MERTK: variants seen among roughly 807,000 people sequenced by gnomAD.
The protein encoded by MERTK is MER proto-oncogene, tyrosine kinase.
A neutral mutation model predicts 99.3 loss-of-function variants in MERTK; 69 were observed. The observed-to-expected ratio is 0.70, with a 90% CI of 0.57 to 0.85. The LOEUF is 0.85. Among genes scored for constraint, MERTK ranks in the 40% least tolerant of loss-of-function variants. The pLI is 0.00. For synonymous variants in MERTK, 426 were observed against 467.6 expected (o/e 0.91, Z 1.15); for missense variants, 1,125 against 1,249.4 (o/e 0.90, Z 1.50).
intron 15 of MERTK, among the ~76,000 whole-genome samples, chr2:112,018,259 A>G (rs1677258918): frequency 6.6e-6 from 1 of 152,226 alleles, no homozygotes; most frequent in Non-Finnish European, 1.5e-5. Context: ...TCCAGGAATA[A>G]CAGAAGTGTT....
intron 6 of MERTK, among the ~76,000 whole-genome samples, chr2:111,970,676 TCTC>T (rs1266607334): frequency 2.7e-5 from 4 of 147,704 alleles, no homozygotes; most frequent in South Asian, 2.2e-4. Context: ...TCCTCCTCCT[TCTC>T]CTCCTCCTCC....
rs192366418 is a variant in MERTK at position 112,014,170 on chromosome 2, C to G, written c.2079+4104C>G. On this transcript the variant is annotated intron_variant, in intron 15 of 18. Coordinates refer to ENST00000295408, the MANE Select transcript of MERTK (RefSeq NM_006343.3). ...CCGAGTACCTGGGATTAAAGGTGCC[C>G]GCCACCACACCCAGCTAATTTTTTG... is the stretch of plus-strand genomic sequence containing the variant. 7.6e-3 allele frequency among the ~76,000 whole-genome samples: 1,160 copies of G among 152,054 alleles called. 10 individuals carry two copies. The highest frequency in any genetic ancestry group is 0.027 in the African/African-American group (1,104 of 41,446).
At position 111,958,834 on chromosome 2, in the gene MERTK, T is replaced by C. The variant is rs1482183949; in HGVS notation, c.758-6357T>C. Among the ~76,000 whole-genome samples, 3 of 152,156 alleles carry C rather than the reference T, an allele frequency of 2.0e-5. 1 individual carries two copies. Among genetic ancestry groups the C allele is most frequent in the Admixed American group, 1.3e-4 (2 of 15,286 alleles). On this transcript the variant is annotated intron_variant, in intron 4 of 18. Transcript: ENST00000295408. ...AGGATCCTACTATAGGTTCTATAAC[T>C]GGATAATGGATCTCAGTGAAATAAA...
At chr2:111,963,535 G>T (rs1009993369) in intron 4 of MERTK, among the ~76,000 whole-genome samples, 11 of 152,146 alleles carry the variant, frequency 7.2e-5, no homozygotes, top group African/African-American at 2.7e-4. Context: ...GTGTCCCTGG[G>T]TACTTGAGAT....
chr2:111,934,315 T>C (rs1313703611), intron 2 of MERTK, among the ~76,000 whole-genome samples: 2 of 152,178 alleles, frequency 1.3e-5, no homozygotes, highest in Non-Finnish European at 1.5e-5. Flanking sequence ...TCCACAAAGG[T>C]TAAACTAATG....
chr2:111,957,577 C>T (rs968500624), intron 4 of MERTK, among the ~76,000 whole-genome samples: 1 of 152,144 alleles, frequency 6.6e-6, no homozygotes, highest in Non-Finnish European at 1.5e-5. Context: ...ATACATCTTA[C>T]TTATCAAGGT....
At chr2:112,025,513 TC>T (rs1162158710) in intron 18 of MERTK, among the ~76,000 whole-genome samples, 1 of 151,984 alleles carries the variant, frequency 6.6e-6, no homozygotes, top group Non-Finnish European at 1.5e-5. Context: ...TCAGAAACCC[TC>T]CTCTACCCAT....
In MERTK at chr2:112,028,439, G is replaced by C; in HGVS notation, c.2575G>C (p.Glu859Gln). Reference protein sequence around the residue: ...VLRLQLEKLLESLPDVRNQAD... With the variant: ...VLRLQLEKLLQSLPDVRNQAD... ...GAGGCTGCAGCTAGAAAAACTCTTA[G>C]AAAGTTTGCCTGACGTTCGGAACCA... is the stretch of plus-strand genomic sequence containing the variant. Residue 859 changes from glutamate (E) to glutamine (Q), a missense_variant, in exon 19 of 19, where the codon GAA becomes CAA. Glu to Gln is a conservative substitution (Grantham distance 29). Coordinates refer to ENST00000295408, the MANE Select transcript of MERTK (RefSeq NM_006343.3). 1.9e-6 allele frequency: 3 copies of C among 1,614,148 alleles called. No individual in the cohort carries two copies. The highest frequency in any genetic ancestry group is 2.5e-6 in the Non-Finnish European group (3 of 1,180,026).
At chr2:111,950,993 AT>A (rs927151645) in intron 4 of MERTK, among the ~76,000 whole-genome samples, 1 of 151,616 alleles carries the variant, frequency 6.6e-6, no homozygotes, top group Non-Finnish European at 1.5e-5. Flanking sequence ...CATTTGTTAA[AT>A]TTTTTTTTAT....
At chr2:112,006,301 A>G (rs1336164364) in intron 13 of MERTK, among the ~76,000 whole-genome samples, 2 of 151,814 alleles carry the variant, frequency 1.3e-5, no homozygotes, top group African/African-American at 4.9e-5. Context: ...ACTGTTAGCC[A>G]AAGGACATTG....
intron 4 of MERTK, among the ~76,000 whole-genome samples, chr2:111,954,218 C>T (rs1199591711): frequency 6.6e-6 from 1 of 152,228 alleles, no homozygotes; most frequent in African/African-American, 2.4e-5. Context: ...TGCAAAGGCA[C>T]CTGCTTGTGA....
intron 1 of MERTK, 67 bp downstream of exon 1, chr2:111,898,863 G>C (rs1356484012): frequency 1.3e-6 from 2 of 1,487,380 alleles, no homozygotes; most frequent in Admixed American, 2.2e-5. Flanking sequence ...GGGGCCTCTG[G>C]GGAGGGAGCG....
intron 2 of MERTK, 63 bp downstream of exon 2, chr2:111,929,603 T>C (rs1558775583): frequency 8.7e-6 from 11 of 1,270,012 alleles, no homozygotes; most frequent in East Asian, 2.6e-5. Flanking sequence ...TATTTACTTA[T>C]TGAGACAGAG....
chr2:111,900,208 C>G (rs889723742), intron 1 of MERTK, among the ~76,000 whole-genome samples: 1 of 152,058 alleles, frequency 6.6e-6, no homozygotes, highest in Non-Finnish European at 1.5e-5. Flanking sequence ...TGAGATTTTC[C>G]TTTGAAAGCT....
chr2:111,905,159 C>G (rs868754297), intron 1 of MERTK, among the ~76,000 whole-genome samples: 152 of 152,184 alleles, frequency 1.0e-3, no homozygotes, highest in African/African-American at 3.5e-3. Flanking sequence ...TGAACCATGG[C>G]TGTTGAACTG....
At chr2:112,004,531 G>A (rs1676941958) in intron 13 of MERTK, among the ~76,000 whole-genome samples, 2 of 152,216 alleles carry the variant, frequency 1.3e-5, no homozygotes, top group Admixed American at 1.3e-4. Flanking sequence ...CAAGCAAGCT[G>A]GGAAGAGAGC....
intron 1 of MERTK, among the ~76,000 whole-genome samples, chr2:111,914,653 C>T (rs905210880): frequency 6.6e-6 from 1 of 152,104 alleles, no homozygotes; most frequent in Non-Finnish European, 1.5e-5. Context: ...ACAATATGAT[C>T]ATGTGATTTT....
chr2:112,009,774 G>T (rs1677056371), intron 14 of MERTK, 174 bp from the exon 15 acceptor site: 2 of 639,828 alleles, frequency 3.1e-6, no homozygotes, highest in Non-Finnish European at 5.7e-6. Context: ...AATACCAGTA[G>T]TGGACCCTGT....
chr2:112,010,337 C>T (rs1382741621), intron 15 of MERTK: 14 of 396,150 alleles, frequency 3.5e-5, no homozygotes, highest in Non-Finnish European at 6.8e-5. Context: ...GTGGCCCAGG[C>T]TCCTGGTTCT....
Sources: gnomAD v4.1 joint callset for allele counts (sites outside exome capture counted in the v4.1 genomes callset) on GRCh38, gnomAD v4.1.1 for gene constraint, MANE v1.5 for transcripts, NCBI Gene and HGNC (gene_info 2026-07-23, HGNC 2026-07-21) for gene names.